The following CARMIL2 variants were observed in gnomAD, a reference collection of about 807,000 sequenced individuals.
CARMIL2 encodes the protein capping protein regulator and myosin 1 linker 2, also known as capping protein, Arp2/3 and myosin-I linker protein 2.
In CARMIL2, 96 loss-of-function variants were observed where a neutral mutation model predicts 173.3. The observed-to-expected ratio is 0.55, with a 90% CI of 0.47 to 0.66. The LOEUF (loss-of-function observed/expected upper bound fraction) is 0.66. CARMIL2 is among the 30% of genes least tolerant of loss of function. The pLI is 0.00. For missense variants in CARMIL2, 1,771 were observed against 1,906.7 expected (o/e 0.93, Z 1.33); for synonymous variants, 830 against 817.1 (o/e 1.02, Z -0.27).
rs1406789762 is a variant in CARMIL2, at chr16:67,654,797, G to T, written c.3602G>T (p.Gly1201Val). The T allele has an allele frequency of 6.2e-7, 1 of 1,613,476 alleles. No individual in the cohort carries two copies. The highest frequency in any genetic ancestry group is 1.3e-5 in the African/African-American group (1 of 75,066). The change falls in exon 32 of 38, where the codon GGA (glycine) becomes GTA (valine). Residue 1201 changes from glycine (G) to valine (V), a missense_variant. This residue lies in a region of CARMIL2 where 817 missense variants were observed against 903.5 expected (regional missense o/e 0.90). Coordinates refer to ENST00000334583, the MANE Select transcript of CARMIL2 (RefSeq NM_001013838.3). ...RPDKRRPLER[G>V]ETELAPSFEQ... ...CCCTAGCGGCGGCCCCTGGAGCGGG[G>T]AGAAACAGAACTGGCTCCATCCTTT... is the stretch of plus-strand genomic sequence containing the variant.
Position 67,648,916 on chromosome 16 carries a change from G to A in CARMIL2, c.1533G>A (p.Val511=), listed in dbSNP as rs769055095. ...AGCTGCGCTCGGCCGGCGCCCAGGTGATACAAGACTTAGTGTGCGACGCAG... is the reference window on the plus strand; with the variant it reads ...AGCTGCGCTCGGCCGGCGCCCAGGTAATACAAGACTTAGTGTGCGACGCAG... The part of the protein sequence containing the change: ...ACELRSAGAQ[V]IQDLVCDAGA... Residue 511 remains valine (V), a synonymous_variant, in exon 17 of 38, where the codon GTG becomes GTA. Coordinates refer to ENST00000334583, the MANE Select transcript of CARMIL2 (RefSeq NM_001013838.3). This position sits in a 1 kb window ranked among gnomAD's most constrained non-coding sequence, Gnocchi z 6.1. 3 of 1,608,630 alleles carry A rather than the reference G, an allele frequency of 1.9e-6. No homozygotes were observed. In the South Asian group the frequency reaches 3.3e-5, roughly 18 times the overall value.
At position 67,647,705 on chromosome 16, in the gene CARMIL2, C is replaced by T. The variant is rs373520864; in HGVS notation, c.897C>T (p.Leu299=). The T allele has an allele frequency of 2.2e-5, 35 of 1,598,090 alleles. No individual in the cohort carries two copies. The highest frequency in any genetic ancestry group is 2.5e-5 in the Non-Finnish European group (29 of 1,174,122). ...DRGMTALSRH[L]ERCPGALRRL... is the part of the protein sequence containing the mutation. The stretch of plus-strand genomic sequence containing the variant: ...GCATGACTGCACTCAGCAGACACCT[C>T]GAGCGTTGTCCAGGAGCCCTGAGGA... Residue 299 remains leucine, a synonymous_variant, in exon 12 of 38, where the codon CTC becomes CTT. Coordinates refer to ENST00000334583, the MANE Select transcript of CARMIL2 (RefSeq NM_001013838.3).
Position 67,646,965 on chromosome 16 carries a change from C to T in CARMIL2, c.603C>T (p.Leu201=), listed in dbSNP as rs761787480. The change falls in exon 8 of 38, where the codon CTC becomes CTT. Residue 201 remains leucine (L), a synonymous_variant. Transcript: ENST00000334583. This position sits in a 1 kb window ranked among gnomAD's most constrained non-coding sequence, Gnocchi z 4.6. Reference sequence around the variant, plus strand: ...TCAGCCTGGGAGACTTCAGCCACCTCGGCAGTCGGTGTGTGGCCTGCCAGG... The same window carrying T: ...TCAGCCTGGGAGACTTCAGCCACCTTGGCAGTCGGTGTGTGGCCTGCCAGG... ...RHFSLGDFSH[L]GSRDLALSVA... 1.1e-5 allele frequency: 17 copies of T among 1,613,126 alleles called. No individual in the cohort carries two copies. Among genetic ancestry groups the T allele is most frequent in the East Asian group, 4.5e-5 (2 of 44,868 alleles).
rs2052757661 is a variant in CARMIL2 at position 67,652,955 on chromosome 16, T to C, written c.2885-64T>C. ...GCCCTGGGCGGGTCCCCCGCCGCCCTAGCGCCTCCGCCGCCACCTCCCCGG... is the reference window on the plus strand; with the variant it reads ...GCCCTGGGCGGGTCCCCCGCCGCCCCAGCGCCTCCGCCGCCACCTCCCCGG... On this transcript the variant is annotated intron_variant, in intron 28 of 37. Transcript: ENST00000334583. The surrounding 1 kb of genome is among the most constrained non-coding windows in gnomAD (Gnocchi z 4.7). 4.6e-6 allele frequency: 4 copies of C among 871,586 alleles called. No homozygotes were observed. The highest frequency in any genetic ancestry group is 3.9e-5 in the South Asian group (2 of 51,940). The allele number at this position is 871,586 out of a possible 1,614,324, so 54.0% of individuals were successfully genotyped here. A position where few individuals can be genotyped will look rare whatever the true frequency, so the allele number is the denominator to read the frequency against.
Position 67,648,415 on chromosome 16 carries a change from C to G in CARMIL2, c.1352C>G (p.Pro451Arg). 1.3e-6 allele frequency: 2 copies of G among 1,521,598 alleles called. No individual in the cohort carries two copies. Among genetic ancestry groups the G allele is most frequent in the East Asian group, 2.5e-5 (1 of 40,502 alleles). The allele number at this position is 1,521,598 out of a possible 1,614,324, so 94.3% of individuals were successfully genotyped here. A position where few individuals can be genotyped will look rare whatever the true frequency, so the allele number is the denominator to read the frequency against. Reference sequence around the variant, plus strand: ...TCCCCCAGGAAGTCCCGCGCCGCGCCGGCCGCGCTGCAGCTCTTCCTCAGC... The same window carrying G: ...TCCCCCAGGAAGTCCCGCGCCGCGCGGGCCGCGCTGCAGCTCTTCCTCAGC... ...VFSRTKSRAA[P>R]AALQLFLSRA... Residue 451 changes from proline to arginine, a missense_variant, in exon 15 of 38, where the codon CCG becomes CGG. By Grantham distance (103) the Pro-to-Arg change is moderately radical. This residue lies in a region of CARMIL2 where 944 missense variants were observed against 975.6 expected (regional missense o/e 0.97). Coordinates refer to ENST00000334583, the MANE Select transcript of CARMIL2 (RefSeq NM_001013838.3). The surrounding 1 kb of genome is among the most constrained non-coding windows in gnomAD (Gnocchi z 6.1).
chr16:67,656,663 T>G lies in CARMIL2; in HGVS notation c.4036+18T>G, dbSNP rs778121101. 6.3e-7 allele frequency: 1 copy of G among 1,578,658 alleles called. No individual in the cohort carries two copies. Among genetic ancestry groups the G allele is most frequent in the South Asian group, 1.1e-5 (1 of 89,394 alleles). On this transcript the variant is annotated intron_variant, in intron 35 of 37. Transcript: ENST00000334583. ...AAATGAAGGTAGGCAGGCACCTGAT[T>G]CCCCACCCCAATCCTGGCCTCGGGG...
In CARMIL2 at chr16:67,654,656, C is replaced by G. The variant is rs530599577; in HGVS notation, c.3546C>G (p.Ala1182=). The change falls in exon 31 of 38, where the codon GCC becomes GCG. Residue 1182 remains alanine (A), a synonymous_variant. Transcript: ENST00000334583. Reference sequence around the variant, plus strand: ...CCTACTCGATGATACTGCTGCCTGCCGAGGAGGAGGCAACGCTGGGTGCCA... The same window carrying G: ...CCTACTCGATGATACTGCTGCCTGCGGAGGAGGAGGCAACGCTGGGTGCCA... The part of the protein sequence containing the change: ...SKAYSMILLP[A]EEEATLGARP... The G allele has an allele frequency of 6.3e-7, 1 of 1,585,734 alleles. No individual in the cohort carries two copies. The highest frequency in any genetic ancestry group is 1.1e-5 in the South Asian group (1 of 87,246).
chr16:67,646,402 C>A lies in CARMIL2; in HGVS notation c.375-24C>A. On this transcript the variant is annotated intron_variant, in intron 5 of 37. Transcript: ENST00000334583. This position sits in a 1 kb window ranked among gnomAD's most constrained non-coding sequence, Gnocchi z 4.6. ...TCCCAGAGGCTGGAAGTCCTTTGCC[C>A]CCTTCTCCTTAACCCCCTACCAGGA... 6.2e-7 allele frequency: 1 copy of A among 1,610,868 alleles called. No individual in the cohort carries two copies. The highest frequency in any genetic ancestry group is 1.3e-5 in the African/African-American group (1 of 74,992).
intron 8 of CARMIL2, 53 bp from the exon 9 acceptor site, chr16:67,647,062 TG>T: frequency 6.2e-7 from 1 of 1,609,138 alleles, no homozygotes; most frequent in South Asian, 1.1e-5. Context: ...CTGCTGGGCC[TG>T]GGACCTGGCT....
chr16:67,647,695 G>C lies in CARMIL2; in HGVS notation c.887G>C (p.Ser296Thr). The C allele has an allele frequency of 6.3e-7, 1 of 1,598,644 alleles. No homozygotes were observed. Among genetic ancestry groups the C allele is most frequent in the Non-Finnish European group, 8.5e-7 (1 of 1,173,676 alleles). ...ACCCCCCAAGGCATGACTGCACTCA[G>C]CAGACACCTCGAGCGTTGTCCAGGA... ...LLDDRGMTAL[S>T]RHLERCPGAL... The change falls in exon 12 of 38, where the codon AGC (serine) becomes ACC (threonine). Residue 296 changes from serine (S) to threonine (T), a missense_variant. Ser to Thr is a moderately conservative substitution (Grantham distance 58). Coordinates refer to ENST00000334583, the MANE Select transcript of CARMIL2 (RefSeq NM_001013838.3).
intron 22 of CARMIL2, chr16:67,650,977 T>G (rs1224461106): frequency 1.3e-5 from 7 of 536,798 alleles, no homozygotes; most frequent in Non-Finnish European, 2.3e-5. Context: ...CTTCCTATTC[T>G]GGGCACTTAG....
Position 67,649,834 on chromosome 16 carries a change from T to A in CARMIL2, c.1948T>A (p.Ser650Thr). Residue 650 changes from serine to threonine, a missense_variant, in exon 21 of 38, where the codon TCT (serine) becomes ACT (threonine). This residue lies in a region of CARMIL2 where 944 missense variants were observed against 975.6 expected (regional missense o/e 0.97). Coordinates refer to ENST00000334583, the MANE Select transcript of CARMIL2 (RefSeq NM_001013838.3). This position sits in a 1 kb window ranked among gnomAD's most constrained non-coding sequence, Gnocchi z 6.7. ...RSVVWDRNHT[S>T]ALGLLDVAQA... ...TGTGGTCTGGGACCGGAACCACACA[T>A]CTGCTTTGGGTCTGCTGGACGTGGC... The A allele has an allele frequency of 6.2e-7, 1 of 1,612,550 alleles. No individual in the cohort carries two copies. Among genetic ancestry groups the A allele is most frequent in the African/African-American group, 1.3e-5 (1 of 75,014 alleles).
Position 67,654,130 on chromosome 16 carries a change from A to G in CARMIL2, c.3121-19A>G, listed in dbSNP as rs2052786697. 1 of 1,343,894 alleles carries G rather than the reference A, an allele frequency of 7.4e-7. No homozygotes were observed. Among genetic ancestry groups the G allele is most frequent in the Non-Finnish European group, 1.0e-6 (1 of 983,636 alleles). 83.2% of individuals were successfully genotyped at this position (1,343,894 alleles called of 1,614,324 possible). ...GAGTTGCACTCAACCCTGACCCCTG[A>G]CCCCATGATGCCCCCCAGGTACCCC... is the stretch of plus-strand genomic sequence containing the variant. On this transcript the variant is annotated intron_variant, in intron 29 of 37. Coordinates refer to ENST00000334583, the MANE Select transcript of CARMIL2 (RefSeq NM_001013838.3).
Position 67,648,703 on chromosome 16 carries a change from C to G in CARMIL2, c.1458C>G (p.Leu486=), listed in dbSNP as rs771671329. 6.2e-7 allele frequency: 1 copy of G among 1,606,708 alleles called. No individual in the cohort carries two copies. Among genetic ancestry groups the G allele is most frequent in the Admixed American group, 1.7e-5 (1 of 59,172 alleles). Residue 486 remains leucine (L), a synonymous_variant, in exon 16 of 38, where the codon CTC becomes CTG. Coordinates refer to ENST00000334583, the MANE Select transcript of CARMIL2 (RefSeq NM_001013838.3). The surrounding 1 kb of genome is among the most constrained non-coding windows in gnomAD (Gnocchi z 6.1). ...CTCCCAGAGCCCTTTTGGATGGCCTCGCGCTCAACACGCACCTCCGCGACC... is the reference window on the plus strand; with the variant it reads ...CTCCCAGAGCCCTTTTGGATGGCCTGGCGCTCAACACGCACCTCCGCGACC... The part of the protein sequence containing the change: ...PDALRALLDG[L]ALNTHLRDLH...
At position 67,648,975 on chromosome 16, in the gene CARMIL2, G is replaced by GCGA. The variant is rs779872826; in HGVS notation, c.1591+1_1591+2insCGA. ...AGCTCCCTGGATCTGGCGGATAACG[G>GCGA]TGAGGCTGCAGGAGAGCCCATCCTC... On this transcript the variant is annotated splice_donor_variant, in intron 17 of 37. Transcript: ENST00000334583. LOFTEE classifies it high-confidence loss of function. The surrounding 1 kb of genome is among the most constrained non-coding windows in gnomAD (Gnocchi z 6.1). The GCGA allele has an allele frequency of 6.2e-7, 1 of 1,608,210 alleles. No homozygotes were observed. Among genetic ancestry groups the GCGA allele is most frequent in the Non-Finnish European group, 8.5e-7 (1 of 1,177,636 alleles).
rs541222868 is a variant in CARMIL2, at chr16:67,657,118, C to T, written c.4118-121C>T. On this transcript the variant is annotated intron_variant, in intron 36 of 37. Coordinates refer to ENST00000334583, the MANE Select transcript of CARMIL2 (RefSeq NM_001013838.3). The surrounding 1 kb of genome is among the most constrained non-coding windows in gnomAD (Gnocchi z 4.5). ...GGTGAGGACGCAGGGACGGGGGATG[C>T]TCTGAAGGCAGCAGTGTGTGTGAGT... 8 of 935,080 alleles carry T rather than the reference C, an allele frequency of 8.6e-6. No homozygotes were observed. Among genetic ancestry groups the T allele is most frequent in the Admixed American group, 6.6e-5 (3 of 45,764 alleles). 57.9% of individuals were successfully genotyped at this position (935,080 alleles called of 1,614,324 possible).
At position 67,647,885 on chromosome 16, in the gene CARMIL2, C is replaced by A. The variant is rs1244138477; in HGVS notation, c.998C>A (p.Ala333Asp). The A allele has an allele frequency of 6.2e-7, 1 of 1,611,296 alleles. No homozygotes were observed. Among genetic ancestry groups the A allele is most frequent in the African/African-American group, 1.3e-5 (1 of 74,878 alleles). Reference sequence around the variant, plus strand: ...GGCCGGGCACTGGCCACCAATGCCGCCTTCGACTCCACCCTGACCCACCTG... The same window carrying A: ...GGCCGGGCACTGGCCACCAATGCCGACTTCGACTCCACCCTGACCCACCTG... Reference protein sequence around the residue: ...ALGRALATNAAFDSTLTHLDL... With the variant: ...ALGRALATNADFDSTLTHLDL... The change falls in exon 13 of 38, where the codon GCC becomes GAC. Residue 333 changes from alanine to aspartate, a missense_variant. By Grantham distance (126) the Ala-to-Asp change is moderately radical (BLOSUM62 -2). This residue lies in a region of CARMIL2 where 944 missense variants were observed against 975.6 expected (regional missense o/e 0.97). Transcript: ENST00000334583.
At position 67,648,888 on chromosome 16, in the gene CARMIL2, T is replaced by C. The variant is rs1375873724; in HGVS notation, c.1510-5T>C. 1 of 1,602,000 alleles carries C rather than the reference T, an allele frequency of 6.2e-7. No individual in the cohort carries two copies. The highest frequency in any genetic ancestry group is 8.5e-7 in the Non-Finnish European group (1 of 1,174,976). ...CACTTCCCACCTCCCACCTCCCACA[T>C]ACAGCTGCGCTCGGCCGGCGCCCAG... On this transcript the variant is annotated splice_region_variant and splice_polypyrimidine_tract_variant and intron_variant, in intron 16 of 37. Coordinates refer to ENST00000334583, the MANE Select transcript of CARMIL2 (RefSeq NM_001013838.3). The surrounding 1 kb of genome is among the most constrained non-coding windows in gnomAD (Gnocchi z 6.1).
rs984152736 is a variant in CARMIL2, at chr16:67,654,897, G to A, written c.3702G>A (p.Lys1234=). 1.9e-6 allele frequency: 3 copies of A among 1,613,516 alleles called. No homozygotes were observed. Among genetic ancestry groups the A allele is most frequent in the Admixed American group, 3.3e-5 (2 of 60,012 alleles). ...RGSGGAEGKR[K]QSKDGEIKKA... is the part of the protein sequence containing the mutation. ...GCGGGGGTGCCGAAGGCAAGAGGAA[G>A]CAAGTGAGTTGAGGGGACCTGAGCA... Residue 1234 remains lysine, a synonymous_variant, in exon 32 of 38, where the codon AAG becomes AAA. Transcript: ENST00000334583.
Sources: allele counts gnomAD v4.1 joint callset, GRCh38; gene constraint gnomAD v4.1.1; regional missense constraint gnomAD v4.1.1; non-coding constraint Gnocchi (gnomAD v3.1); transcripts MANE v1.5; gene names NCBI Gene and HGNC (gene_info 2026-07-23, HGNC 2026-07-21).